SNX29: variants seen among roughly 807,000 people sequenced by gnomAD.
SNX29 encodes sorting nexin-29.
Under a neutral mutation model 102.1 loss-of-function variants are expected in SNX29, and 78 were observed. The observed-to-expected ratio is 0.76, with a 90% CI of 0.64 to 0.92. The LOEUF (loss-of-function observed/expected upper bound fraction) is 0.92. Ranked by LOEUF, SNX29 falls within the 40% of genes least tolerant of loss-of-function variation. SNX29 has a pLI of 0.00. For missense variants in SNX29, 1,280 were observed against 1,061.7 expected (o/e 1.21, Z -2.86); for synonymous variants, 580 against 414.5 (o/e 1.40, Z -4.85).
intron 15 of SNX29, among the ~76,000 whole-genome samples, chr16:12,335,782 A>G (rs1356023836): frequency 6.6e-6 from 1 of 152,172 alleles, no homozygotes; most frequent in East Asian, 1.9e-4. Flanking sequence ...AGATTATTTC[A>G]GTGAATTTTT....
chr16:12,252,272 T>C (rs1469719762), intron 14 of SNX29, among the ~76,000 whole-genome samples: 1 of 151,636 alleles, frequency 6.6e-6, no homozygotes, highest in East Asian at 1.9e-4. Context: ...TCTATCCTCC[T>C]GTCTAAAAGC....
At chr16:12,550,471 G>C (rs549767040) in intron 20 of SNX29, among the ~76,000 whole-genome samples, 1 of 150,434 alleles carries the variant, frequency 6.6e-6, no homozygotes, top group Non-Finnish European at 1.5e-5. Flanking sequence ...GGAGGTGGAG[G>C]TTGGAGTGAG....
At chr16:12,448,576 A>G (rs954649172) in intron 18 of SNX29, among the ~76,000 whole-genome samples, 1 of 151,850 alleles carries the variant, frequency 6.6e-6, no homozygotes, top group South Asian at 2.1e-4. Context: ...GTGGCATACT[A>G]AAGGTTCTGA....
chr16:12,526,434 G>A (rs1179803523), intron 20 of SNX29: 3 of 408,764 alleles, frequency 7.3e-6, no homozygotes, highest in African/African-American at 4.2e-5. Flanking sequence ...CGGGGTTTTT[G>A]TGAGAAGACA....
intron 20 of SNX29, among the ~76,000 whole-genome samples, chr16:12,554,697 C>G (rs1459480139): frequency 1.3e-5 from 2 of 152,188 alleles, no homozygotes; most frequent in Non-Finnish European, 2.9e-5. Context: ...GCATCCCTGC[C>G]CATGCCTGGT....
chr16:12,541,313 A>G (rs903224654), intron 20 of SNX29, among the ~76,000 whole-genome samples: 6 of 152,172 alleles, frequency 3.9e-5, no homozygotes, highest in African/African-American at 1.4e-4. Context: ...GTCAGCCCTG[A>G]TGGAGGACTT....
intron 15 of SNX29, among the ~76,000 whole-genome samples, chr16:12,285,452 G>A (rs1235126239): frequency 6.6e-6 from 1 of 152,148 alleles, no homozygotes; most frequent in Non-Finnish European, 1.5e-5. Flanking sequence ...AATTTTTCTT[G>A]TGGGTAAAAT....
chr16:12,435,111 C>T (rs1433640778), intron 18 of SNX29, among the ~76,000 whole-genome samples: 1 of 152,110 alleles, frequency 6.6e-6, no homozygotes, highest in East Asian at 1.9e-4. Context: ...CATCACTTTG[C>T]CATTTGCAGC....
At chr16:12,013,497 AAAAATAT>A (rs1596591301) in intron 3 of SNX29, among the ~76,000 whole-genome samples, 1 of 63,324 alleles carries the variant, frequency 1.6e-5, no homozygotes, top group African/African-American at 7.5e-5. Context: ...GGAAAAAAAA[AAAAATAT>A]ATATATATAT....
chr16:12,559,902 G>A (rs1383662780), intron 20 of SNX29, among the ~76,000 whole-genome samples: 2 of 152,262 alleles, frequency 1.3e-5, no homozygotes, highest in East Asian at 3.9e-4. Context: ...TGGCATGAAT[G>A]CAGGAGGTGG....
At chr16:12,000,752 T>C (rs1031272197) in intron 2 of SNX29, among the ~76,000 whole-genome samples, 20 of 152,176 alleles carry the variant, frequency 1.3e-4, no homozygotes, top group African/African-American at 4.6e-4. Flanking sequence ...CTTGAGGCAT[T>C]GTATGGTAGG....
At chr16:12,122,589 AGT>A (rs2054023702) in intron 11 of SNX29, among the ~76,000 whole-genome samples, 1 of 151,882 alleles carries the variant, frequency 6.6e-6, no homozygotes, top group Non-Finnish European at 1.5e-5. Flanking sequence ...AGAGAAGGAG[AGT>A]GTGTTCAGTA....
chr16:12,057,260 C>G (rs185260007), intron 8 of SNX29, among the ~76,000 whole-genome samples: 2 of 152,334 alleles, frequency 1.3e-5, no homozygotes, highest in Admixed American at 1.3e-4. Context: ...CAAAGTGAAA[C>G]AAGACTCCAT....
intron 20 of SNX29, among the ~76,000 whole-genome samples, chr16:12,548,278 G>A (rs1190446522): frequency 6.6e-6 from 1 of 152,202 alleles, no homozygotes; most frequent in Non-Finnish European, 1.5e-5. Context: ...GGACCTGACT[G>A]GGAAGGCTGG....
intron 15 of SNX29, among the ~76,000 whole-genome samples, chr16:12,334,459 C>A (rs1480537715): frequency 6.6e-6 from 1 of 152,168 alleles, no homozygotes; most frequent in Non-Finnish European, 1.5e-5. Flanking sequence ...AACCACTTTG[C>A]ATGAATGATT....
chr16:12,414,104 A>G (rs1353493132), intron 18 of SNX29, among the ~76,000 whole-genome samples: 2 of 152,240 alleles, frequency 1.3e-5, no homozygotes, highest in Non-Finnish European at 2.9e-5. Context: ...TGACAAGATA[A>G]AAGTGTGTGC....
At chr16:12,407,920 C>T (rs926357479) in intron 18 of SNX29, among the ~76,000 whole-genome samples, 4 of 152,158 alleles carry the variant, frequency 2.6e-5, no homozygotes, top group Admixed American at 6.5e-5. Context: ...TTTGAGCCTG[C>T]AGGGAGCTAC....
chr16:12,077,388 TG>T (rs1209982624), intron 10 of SNX29, among the ~76,000 whole-genome samples: 2 of 74,824 alleles, frequency 2.7e-5, no homozygotes, highest in East Asian at 4.6e-4. Flanking sequence ...CTAGTCATGG[TG>T]TGTGTGTGTG....
chr16:12,113,756 T>C (rs1567217765), intron 11 of SNX29, among the ~76,000 whole-genome samples: 1 of 152,148 alleles, frequency 6.6e-6, no homozygotes, highest in East Asian at 1.9e-4. Context: ...TTTAGACGGG[T>C]CGGGGTCATA....
Sources: gnomAD v4.1 joint callset for allele counts (sites outside exome capture counted in the v4.1 genomes callset) on GRCh38, gnomAD v4.1.1 for gene constraint, MANE v1.5 for transcripts, NCBI Gene and HGNC (gene_info 2026-07-23, HGNC 2026-07-21) for gene names.